The following CNTNAP2 variants were observed in gnomAD, a reference collection of about 807,000 sequenced individuals.
CNTNAP2 encodes contactin associated protein 2.
A neutral mutation model predicts 155.2 loss-of-function variants in CNTNAP2; 98 were observed. The observed-to-expected ratio is 0.63, with a 90% CI of 0.54 to 0.75. The LOEUF is 0.75. Ranked by LOEUF, CNTNAP2 falls within the 30% of genes least tolerant of loss-of-function variation. CNTNAP2 has a pLI of 0.00. For missense variants in CNTNAP2, 1,727 were observed against 1,688.1 expected, an observed-to-expected ratio of 1.02 and a Z score of -0.40; for synonymous variants, 651 against 631.2, an observed-to-expected ratio of 1.03 and a Z score of -0.47.
chr7:148,096,013 A>G (rs1803958213), intron 15 of CNTNAP2, among the ~76,000 whole-genome samples: 1 of 152,182 alleles, frequency 6.6e-6, no homozygotes, highest in Non-Finnish European at 1.5e-5. Context: ...CATTTTTTTC[A>G]CAGGGCGCAG....
chr7:146,497,944 G>T (rs1049131693), intron 1 of CNTNAP2, among the ~76,000 whole-genome samples: 2 of 150,222 alleles, frequency 1.3e-5, no homozygotes, highest in Non-Finnish European at 3.0e-5. Context: ...CATAAACATA[G>T]AATAAACATA....
At chr7:148,354,991 A>G (rs1798487381) in intron 21 of CNTNAP2, among the ~76,000 whole-genome samples, 1 of 151,942 alleles carries the variant, frequency 6.6e-6, no homozygotes, top group Admixed American at 6.6e-5. Flanking sequence ...TTGATTAAAC[A>G]ATGGAAAGCT....
At chr7:147,792,357 C>G (rs558074120) in intron 13 of CNTNAP2, among the ~76,000 whole-genome samples, 1 of 122,716 alleles carries the variant, frequency 8.1e-6, no homozygotes, top group Non-Finnish European at 1.6e-5. Context: ...GCCAACTTCT[C>G]AGCCCTAAGC....
intron 13 of CNTNAP2, among the ~76,000 whole-genome samples, chr7:147,710,622 G>A (rs775568670): frequency 1.8e-4 from 27 of 151,946 alleles, no homozygotes; most frequent in Admixed American, 8.5e-4. Context: ...TGACTATACC[G>A]TTCCCTAAAT....
chr7:147,978,198 C>T, intron 15 of CNTNAP2: 3 of 605,892 alleles, frequency 5.0e-6, no homozygotes, highest in Non-Finnish European at 8.7e-6. Flanking sequence ...GTGGGGATAT[C>T]CATCTTTCCT....
At chr7:146,127,434 C>A (rs1797652715) in intron 1 of CNTNAP2, among the ~76,000 whole-genome samples, 1 of 152,116 alleles carries the variant, frequency 6.6e-6, no homozygotes, top group Non-Finnish European at 1.5e-5. Context: ...TGAGAAATTA[C>A]CCCATAGTAT....
At chr7:146,901,046 T>TAATAAG (rs1795982703) in intron 3 of CNTNAP2, among the ~76,000 whole-genome samples, 1 of 151,540 alleles carries the variant, frequency 6.6e-6, no homozygotes, top group Admixed American at 6.6e-5. Context: ...ATAATAATAA[T>TAATAAG]AATAATAATA....
At chr7:147,842,699 G>T (rs867881136) in intron 13 of CNTNAP2, among the ~76,000 whole-genome samples, 1 of 98,650 alleles carries the variant, frequency 1.0e-5, no homozygotes, top group African/African-American at 4.0e-5. Context: ...CCACTAACGT[G>T]TCATCTAGCA....
At chr7:146,789,253 CT>C (rs1802630462) in intron 2 of CNTNAP2, among the ~76,000 whole-genome samples, 1 of 152,142 alleles carries the variant, frequency 6.6e-6, no homozygotes, top group Non-Finnish European at 1.5e-5. Context: ...TCTTCCCTGA[CT>C]TTGTGAGAAC....
At chr7:147,249,527 G>C (rs1303048877) in intron 8 of CNTNAP2, among the ~76,000 whole-genome samples, 2 of 130,274 alleles carry the variant, frequency 1.5e-5, no homozygotes, top group African/African-American at 5.7e-5. Context: ...ATGGTCTCTT[G>C]ATTAAAAAGA....
chr7:147,548,337 T>C (rs1007565740), intron 11 of CNTNAP2, among the ~76,000 whole-genome samples: 1 of 152,258 alleles, frequency 6.6e-6, no homozygotes, highest in African/African-American at 2.4e-5. Flanking sequence ...GGTTTAGATT[T>C]GCATTTCTCT....
chr7:146,781,810 G>T (rs757873951), intron 2 of CNTNAP2, among the ~76,000 whole-genome samples: 2 of 151,968 alleles, frequency 1.3e-5, no homozygotes, highest in African/African-American at 2.4e-5. Flanking sequence ...AATATTAGAA[G>T]GATCTGTCAC....
rs574703946 is a variant in CNTNAP2, at chr7:146,167,415, A to T, written c.97+50442A>T. On this transcript the variant is annotated intron_variant, in intron 1 of 23. Transcript: ENST00000361727. ...GAAAGTTGAAGAGAATAATTTTGTTAATGGCATTGCAGCTGTTGTGTGCTG... is the reference window on the plus strand; with the variant it reads ...GAAAGTTGAAGAGAATAATTTTGTTTATGGCATTGCAGCTGTTGTGTGCTG... Among the ~76,000 whole-genome samples, 53 of 152,304 alleles carry T rather than the reference A, an allele frequency of 3.5e-4. 1 individual carries two copies. In the South Asian group the frequency reaches 9.9e-3, roughly 29 times the overall value.
At chr7:146,391,790 G>A (rs1795548719) in intron 1 of CNTNAP2, among the ~76,000 whole-genome samples, 1 of 151,934 alleles carries the variant, frequency 6.6e-6, no homozygotes, top group African/African-American at 2.4e-5. Context: ...TAAATGATTA[G>A]AACCCATGGA....
intron 1 of CNTNAP2, among the ~76,000 whole-genome samples, chr7:146,272,043 T>C (rs904577813): frequency 4.6e-5 from 7 of 152,300 alleles, no homozygotes; most frequent in African/African-American, 7.2e-5. Context: ...ACACTGTGTA[T>C]TAGTCCATTT....
At position 148,316,163 on chromosome 7, in the gene CNTNAP2, A is replaced by C. The variant is rs185004380; in HGVS notation, c.3475+49037A>C. On this transcript the variant is annotated intron_variant, in intron 21 of 23. Coordinates refer to ENST00000361727, the MANE Select transcript of CNTNAP2 (RefSeq NM_014141.6). ...AATAAGGGAGAGGTTAACAATCTACATAGAGCAACTGGGATTAAAAATGGG... is the reference window on the plus strand; with the variant it reads ...AATAAGGGAGAGGTTAACAATCTACCTAGAGCAACTGGGATTAAAAATGGG... Among the ~76,000 whole-genome samples, 23 of 152,262 alleles carry C rather than the reference A, an allele frequency of 1.5e-4. 1 individual carries two copies. The East Asian group carries it at 4.5e-3, about 29-fold the overall frequency.
intron 3 of CNTNAP2, among the ~76,000 whole-genome samples, chr7:146,930,763 A>T (rs1407757795): frequency 1.3e-5 from 2 of 152,138 alleles, no homozygotes; most frequent in Non-Finnish European, 2.9e-5. Flanking sequence ...AATGGAAAAC[A>T]AAAAAAGGCA....
At chr7:146,911,172 A>G (rs1256376733) in intron 3 of CNTNAP2, among the ~76,000 whole-genome samples, 3 of 152,170 alleles carry the variant, frequency 2.0e-5, no homozygotes, top group Admixed American at 2.0e-4. Context: ...GCTGGACATG[A>G]TGTGGAGAAA....
rs117643423 is a variant in CNTNAP2, at chr7:147,918,798, A to C, written c.2255+15077A>C. 5.4e-3 allele frequency among the ~76,000 whole-genome samples: 816 copies of C among 152,304 alleles called. 1 individual carries two copies. The highest frequency in any genetic ancestry group is 8.0e-3 in the Admixed American group (123 of 15,292). On this transcript the variant is annotated intron_variant, in intron 14 of 23. Coordinates refer to ENST00000361727, the MANE Select transcript of CNTNAP2 (RefSeq NM_014141.6). ...CGATATTTACCTGCTTGTCCCTGTC[A>C]GCCCTGGGAATGGTGTGTCTTTACC...
Sources: allele counts gnomAD v4.1 joint callset (sites outside exome capture counted in the v4.1 genomes callset), GRCh38; gene constraint gnomAD v4.1.1; transcripts MANE v1.5; gene names NCBI Gene and HGNC (gene_info 2026-07-23, HGNC 2026-07-21).